Variants in CACNA2D3 observed in about 807,000 individuals in gnomAD.
The protein encoded by CACNA2D3 is calcium voltage-gated channel auxiliary subunit alpha2delta 3, also known as voltage-dependent calcium channel subunit alpha-2/delta-3.
Under a neutral mutation model 160.6 loss-of-function variants are expected in CACNA2D3, and 60 were observed. That is an observed-to-expected ratio of 0.37 (90% confidence interval 0.30 to 0.46). CACNA2D3 has a LOEUF of 0.46. Ranked by LOEUF, CACNA2D3 falls within the 20% of genes least tolerant of loss-of-function variation. The probability of loss-of-function intolerance (pLI) is 1.00; values close to 1 mark genes in which losing one functional copy is unlikely to be tolerated. For missense variants in CACNA2D3, 1,205 were observed against 1,365.0 expected (o/e 0.88, Z 1.85); for synonymous variants, 558 against 492.9 (o/e 1.13, Z -1.75).
chr3:54,864,994 G>A (rs1480565688), intron 17 of CACNA2D3, among the ~76,000 whole-genome samples: 1 of 152,212 alleles, frequency 6.6e-6, no homozygotes, highest in Non-Finnish European at 1.5e-5. Flanking sequence ...CACAAAGCCT[G>A]GCACCAGAAA....
intron 27 of CACNA2D3, among the ~76,000 whole-genome samples, chr3:54,961,661 T>C (rs1321998600): frequency 6.6e-6 from 1 of 152,142 alleles, no homozygotes; most frequent in Non-Finnish European, 1.5e-5. Context: ...GGTGGCCTGA[T>C]TGATGTGCAC....
At chr3:54,152,730 A>G (rs974143840) in intron 2 of CACNA2D3, among the ~76,000 whole-genome samples, 3 of 152,230 alleles carry the variant, frequency 2.0e-5, no homozygotes, top group African/African-American at 7.2e-5. Context: ...TTTAAGAGAC[A>G]TTTATAGATA....
At chr3:54,497,548 GAAAAGTAA>G (rs1005654456) in intron 4 of CACNA2D3, among the ~76,000 whole-genome samples, 37 of 152,006 alleles carry the variant, frequency 2.4e-4, no homozygotes, top group African/African-American at 8.2e-4. Context: ...AATCTATGTA[GAAAAGTAA>G]AGGTAGATTT....
intron 27 of CACNA2D3, among the ~76,000 whole-genome samples, chr3:54,939,170 C>G (rs569646989): frequency 6.6e-6 from 1 of 152,340 alleles, no homozygotes; most frequent in East Asian, 1.9e-4. Context: ...ATCTGAAACT[C>G]TTACAACCTT....
intron 4 of CACNA2D3, among the ~76,000 whole-genome samples, chr3:54,420,413 T>C (rs766342722): frequency 1.3e-5 from 2 of 152,200 alleles, no homozygotes; most frequent in Non-Finnish European, 2.9e-5. Flanking sequence ...AACATTACTG[T>C]CAGATTAAAA....
intron 11 of CACNA2D3, among the ~76,000 whole-genome samples, chr3:54,672,845 G>A (rs541688043): frequency 2.1e-4 from 32 of 152,322 alleles, no homozygotes; most frequent in African/African-American, 6.0e-4. Flanking sequence ...CCATAGCATG[G>A]TGGCTGGCAC....
At chr3:54,866,536 G>C (rs1216989954) in intron 17 of CACNA2D3, among the ~76,000 whole-genome samples, 1 of 152,166 alleles carries the variant, frequency 6.6e-6, no homozygotes, top group Non-Finnish European at 1.5e-5. Flanking sequence ...CTTCCTTCCT[G>C]TTGGCAGCAT....
chr3:54,736,083 G>GTA (rs1265902604), intron 11 of CACNA2D3, among the ~76,000 whole-genome samples: 1 of 34,230 alleles, frequency 2.9e-5, no homozygotes, highest in East Asian at 5.1e-4. Context: ...ACATATATAT[G>GTA]TATGTGTATA....
At chr3:54,763,705 GTATATATATGTACATATATACA>G (rs1160153134) in intron 12 of CACNA2D3, among the ~76,000 whole-genome samples, 4 of 133,580 alleles carry the variant, frequency 3.0e-5, no homozygotes, top group Non-Finnish European at 6.4e-5. Context: ...ATGTATATAT[GTATATATATGTACATATATACA>G]TATATATGTG....
rs375353329 is a variant in CACNA2D3 at position 54,838,573 on chromosome 3, G to A, written c.1476G>A (p.Ser492=). 2.2e-4 allele frequency: 350 copies of A among 1,612,212 alleles called. 2 individuals are homozygous for A. Among genetic ancestry groups the A allele is most frequent in the South Asian group, 3.3e-4 (30 of 91,024 alleles). ...TCAATGTTTATTTTCGACAGAGATC[G>A]AAGGGCATTCTTCTGGGAGTGGTTG... The part of the protein sequence containing the change: ...PVFSKQNETR[S]KGILLGVVGT... Residue 492 remains serine, a synonymous_variant, in exon 16 of 38, where the codon TCG becomes TCA. Coordinates refer to ENST00000474759, the MANE Select transcript of CACNA2D3 (RefSeq NM_018398.3).
intron 11 of CACNA2D3, 80 bp from the exon 12 acceptor site, chr3:54,752,517 CAT>C (rs1701877937): frequency 6.8e-6 from 6 of 883,562 alleles, no homozygotes; most frequent in Non-Finnish European, 1.1e-5. Flanking sequence ...AGGTAAGCCA[CAT>C]GTGTGTGAGC....
At chr3:54,801,482 G>A (rs1405988539) in intron 13 of CACNA2D3, among the ~76,000 whole-genome samples, 1 of 152,020 alleles carries the variant, frequency 6.6e-6, no homozygotes, top group East Asian at 1.9e-4. Context: ...TGACTACAAG[G>A]ATGTCCATTA....
chr3:54,634,295 TACTC>T (rs1182319836), intron 10 of CACNA2D3, among the ~76,000 whole-genome samples: 3 of 152,192 alleles, frequency 2.0e-5, no homozygotes, highest in East Asian at 3.9e-4. Context: ...TTCCCTCAGA[TACTC>T]ACATCTCTCA....
chr3:54,278,382 C>T (rs10446476), intron 2 of CACNA2D3, among the ~76,000 whole-genome samples: 23,154 of 152,160 alleles, frequency 0.15, 2,125 homozygotes, highest in South Asian at 0.2. Flanking sequence ...TGCTTTTACA[C>T]TGTTGGTGGG....
intron 13 of CACNA2D3, among the ~76,000 whole-genome samples, chr3:54,767,673 AAAT>A (rs1234007337): frequency 5.9e-5 from 9 of 152,238 alleles, no homozygotes; most frequent in East Asian, 3.9e-4. Context: ...AGAAGGTACC[AAAT>A]AATAATAATG....
At chr3:54,275,172 AC>A (rs2107455697) in intron 2 of CACNA2D3, among the ~76,000 whole-genome samples, 1 of 152,280 alleles carries the variant, frequency 6.6e-6, no homozygotes, top group Non-Finnish European at 1.5e-5. Context: ...GCACTCAGAA[AC>A]CCACTTTGCT....
intron 2 of CACNA2D3, among the ~76,000 whole-genome samples, chr3:54,266,552 G>C (rs1423579874): frequency 6.6e-6 from 1 of 152,112 alleles, no homozygotes; most frequent in African/African-American, 2.4e-5. Flanking sequence ...GCCCTGACCT[G>C]GTTTGCATTA....
intron 34 of CACNA2D3, among the ~76,000 whole-genome samples, chr3:55,016,891 C>T (rs1232167406): frequency 5.3e-5 from 8 of 152,186 alleles, no homozygotes; most frequent in South Asian, 4.1e-4. Flanking sequence ...TGCTTAGAAT[C>T]GTTTCCTGAT....
At chr3:54,873,244 A>G (rs115972533) in intron 18 of CACNA2D3, among the ~76,000 whole-genome samples, 6,109 of 152,116 alleles carry the variant, frequency 0.04, 436 homozygotes, top group African/African-American at 0.14. Flanking sequence ...AGTGGTAGCC[A>G]TTGTTAGTAT....
Sources: gnomAD v4.1 joint callset for allele counts (sites outside exome capture counted in the v4.1 genomes callset) on GRCh38, gnomAD v4.1.1 for gene constraint, MANE v1.5 for transcripts, NCBI Gene and HGNC (gene_info 2026-07-23, HGNC 2026-07-21) for gene names.